CFTR: variants seen among roughly 807,000 people sequenced by gnomAD.
The protein encoded by CFTR is cystic fibrosis transmembrane conductance regulator.
CFTR carries 181 observed loss-of-function variants against 171.6 expected under a neutral mutation model. The ratio of observed to expected loss-of-function variants is 1.05; its 90% CI spans 0.93 to 1.19. The LOEUF is 1.19. Among genes scored for constraint, CFTR ranks in the 50% most tolerant of loss-of-function variants. The pLI, the probability that CFTR is intolerant of heterozygous loss-of-function variation, is 0.00. For synonymous variants in CFTR, 583 were observed against 608.0 expected (o/e 0.96, Z 0.60); for missense variants, 1,968 against 1,734.7 (o/e 1.13, Z -2.39).
At chr7:117,506,891 G>A (rs1798427466) in intron 2 of CFTR, among the ~76,000 whole-genome samples, 1 of 152,102 alleles carries the variant, frequency 6.6e-6, no homozygotes, top group South Asian at 2.1e-4. Flanking sequence ...TTGGAAGAGT[G>A]ACATACCATT....
chr7:117,541,220 T>G (rs1366100611), intron 8 of CFTR, among the ~76,000 whole-genome samples: 1 of 152,118 alleles, frequency 6.6e-6, no homozygotes, highest in East Asian at 1.9e-4. Flanking sequence ...TCTTGTCTTC[T>G]GTTAGCCCAT....
intron 23 of CFTR, among the ~76,000 whole-genome samples, chr7:117,648,110 T>C (rs1248456778): frequency 6.7e-6 from 1 of 149,386 alleles, no homozygotes; most frequent in Non-Finnish European, 1.5e-5. Flanking sequence ...TGTATATGTA[T>C]GTACACATTA....
chr7:117,603,935 TTA>T (rs1792266834), intron 17 of CFTR, among the ~76,000 whole-genome samples, 153 bp downstream of exon 17: 1 of 152,214 alleles, frequency 6.6e-6, no homozygotes, highest in Non-Finnish European at 1.5e-5. Flanking sequence ...GTCTCAGATA[TTA>T]TAGGTTATCA....
chr7:117,500,705 T>TC (rs1798311506), intron 1 of CFTR, among the ~76,000 whole-genome samples: 5 of 152,200 alleles, frequency 3.3e-5, no homozygotes, highest in Admixed American at 3.3e-4. Flanking sequence ...ATTTTAGTTA[T>TC]CATAATTTAC....
intron 24 of CFTR, among the ~76,000 whole-genome samples, chr7:117,663,510 A>T (rs34225590): frequency 0.013 from 615 of 47,100 alleles, 5 homozygotes; most frequent in African/African-American, 0.1. Context: ...TTGTCCAGCT[A>T]AAAAAAAAAA....
At chr7:117,508,794 A>T (rs1268533373) in intron 2 of CFTR, among the ~76,000 whole-genome samples, 7 of 152,246 alleles carry the variant, frequency 4.6e-5, no homozygotes, top group Non-Finnish European at 1.0e-4. Context: ...TTTAACACAT[A>T]CAATGTGGCC....
intron 10 of CFTR, among the ~76,000 whole-genome samples, chr7:117,556,425 G>T (rs1366679867): frequency 2.0e-5 from 3 of 147,458 alleles, no homozygotes; most frequent in Non-Finnish European, 4.5e-5. Context: ...CCCTGATTCT[G>T]TTTAAATAGC....
At chr7:117,485,224 G>T (rs2116611079) in intron 1 of CFTR, among the ~76,000 whole-genome samples, 1 of 152,254 alleles carries the variant, frequency 6.6e-6, no homozygotes, top group South Asian at 2.1e-4. Flanking sequence ...AAAACCATCA[G>T]GAAGGGTGTT....
intron 1 of CFTR, 38 bp downstream of exon 1, chr7:117,480,185 G>A: frequency 1.2e-6 from 2 of 1,604,678 alleles, no homozygotes; most frequent in South Asian, 1.1e-5. Context: ...AAAGACACGT[G>A]CCCACGAAAG....
At chr7:117,598,231 GC>G (rs1484116097) in intron 15 of CFTR, among the ~76,000 whole-genome samples, 1 of 152,174 alleles carries the variant, frequency 6.6e-6, no homozygotes, top group Non-Finnish European at 1.5e-5. Context: ...CACATCTGTG[GC>G]TTGGATTCAG....
chr7:117,573,059 GCTCTCTCTCTC>G (rs1791719496), intron 11 of CFTR, among the ~76,000 whole-genome samples: 1 of 87,252 alleles, frequency 1.1e-5, no homozygotes, highest in Non-Finnish European at 2.7e-5. Flanking sequence ...TCTCTCTCTT[GCTCTCTCTCTC>G]TCTTTCTGTC....
At chr7:117,518,375 TATA>T (rs1182776628) in intron 3 of CFTR, among the ~76,000 whole-genome samples, 2 of 146,940 alleles carry the variant, frequency 1.4e-5, no homozygotes, top group Admixed American at 6.9e-5. Flanking sequence ...TAAATAAATA[TATA>T]ATACTATAAA....
intron 23 of CFTR, among the ~76,000 whole-genome samples, chr7:117,643,354 C>T (rs1262747166): frequency 6.6e-6 from 1 of 152,098 alleles, no homozygotes; most frequent in Non-Finnish European, 1.5e-5. Context: ...GACACTGAAT[C>T]CATTCCACTA....
intron 10 of CFTR, among the ~76,000 whole-genome samples, chr7:117,556,049 T>C (rs962988247): frequency 6.6e-6 from 1 of 152,110 alleles, no homozygotes; most frequent in Non-Finnish European, 1.5e-5. Flanking sequence ...CCAAGTAATC[T>C]CTATAAGATT....
chr7:117,558,272 T>G (rs553031938), intron 10 of CFTR, among the ~76,000 whole-genome samples: 1 of 152,274 alleles, frequency 6.6e-6, no homozygotes, highest in East Asian at 1.9e-4. Flanking sequence ...AACTTTATGT[T>G]AAATTTTTCA....
At position 117,480,148 on chromosome 7, in the gene CFTR, G is replaced by A; in HGVS notation, c.53+1G>A. 6.2e-7 allele frequency: 1 copy of A among 1,613,856 alleles called. No individual in the cohort carries two copies. Among genetic ancestry groups the A allele is most frequent in the Non-Finnish European group, 8.5e-7 (1 of 1,179,826 alleles). On this transcript the variant is annotated splice_donor_variant, in intron 1 of 26. Coordinates refer to ENST00000003084, the MANE Select transcript of CFTR (RefSeq NM_000492.4). LOFTEE classifies it high-confidence loss of function. ...GCGTTGTCTCCAAACTTTTTTTCAG[G>A]TGAGAAGGTGGCCAACCGAGCTTCG...
At chr7:117,528,420 A>C (rs1011741159) in intron 3 of CFTR, among the ~76,000 whole-genome samples, 4 of 118,824 alleles carry the variant, frequency 3.4e-5, no homozygotes, top group Non-Finnish European at 7.1e-5. Context: ...CCCTAGAAGA[A>C]AACCTAGGTA....
chr7:117,512,360 GC>G (rs1798532092), intron 3 of CFTR, among the ~76,000 whole-genome samples: 1 of 152,040 alleles, frequency 6.6e-6, no homozygotes, highest in Admixed American at 6.6e-5. Flanking sequence ...GGGCACGGGG[GC>G]TCACACCTGT....
Position 117,603,627 on chromosome 7 carries a change from T to C in CFTR, c.2753T>C (p.Ile918Thr). 8.1e-6 allele frequency: 13 copies of C among 1,614,096 alleles called. No individual in the cohort carries two copies. The highest frequency in any genetic ancestry group is 1.1e-5 in the Non-Finnish European group (13 of 1,179,954). ...ACCAGTTCGTATTATGTGTTTTACA[T>C]TTACGTGGGAGTAGCCGACACTTTG... Reference protein sequence around the residue: ...TSTSSYYVFYIYVGVADTLLA... With the variant: ...TSTSSYYVFYTYVGVADTLLA... Residue 918 changes from isoleucine (I) to threonine (T), a missense_variant, in exon 17 of 27, where the codon ATT becomes ACT. Transcript: ENST00000003084.
Sources: allele counts gnomAD v4.1 joint callset (sites outside exome capture counted in the v4.1 genomes callset), GRCh38; gene constraint gnomAD v4.1.1; transcripts MANE v1.5; gene names NCBI Gene and HGNC (gene_info 2026-07-23, HGNC 2026-07-21).